The following PTPRT variants were observed in gnomAD, a reference collection of about 807,000 sequenced individuals.
PTPRT encodes receptor-type tyrosine-protein phosphatase T.
Under a neutral mutation model 176.8 loss-of-function variants are expected in PTPRT, and 56 were observed. The ratio of observed to expected loss-of-function variants is 0.32; its 90% CI spans 0.26 to 0.40. The LOEUF is 0.40. PTPRT is among the 10% of genes least tolerant of loss of function. The pLI, the probability that PTPRT is intolerant of heterozygous loss-of-function variation, is 1.00. For missense variants in PTPRT, 1,540 were observed against 1,908.2 expected (o/e 0.81, Z 3.60); for synonymous variants, 783 against 739.0 (o/e 1.06, Z -0.96).
intron 9 of PTPRT, among the ~76,000 whole-genome samples, chr20:42,423,178 T>TA (rs34775268): frequency 0.03 from 2,656 of 88,100 alleles, 101 homozygotes; most frequent in African/African-American, 0.083. Flanking sequence ...ACCTTAAAAG[T>TA]AAAAAAAAAA....
At position 42,201,950 on chromosome 20, in the gene PTPRT, C is replaced by CGTGTGTGTGTGTGTGTGTGTGTGTGT. The variant is rs11468258; in HGVS notation, c.2343-2588_2343-2563dup. 1.4e-3 allele frequency among the ~76,000 whole-genome samples: 199 copies of CGTGTGTGTGTGTGTGTGTGTGTGTGT among 143,202 alleles called. 1 individual carries two copies. Among genetic ancestry groups the CGTGTGTGTGTGTGTGTGTGTGTGTGT allele is most frequent in the Middle Eastern group, 3.6e-3 (1 of 280 alleles). The allele number at this position is 143,202 out of a possible 152,430, so 93.9% of individuals were successfully genotyped here. ...ATCCCAACCAAGAAGAGAAAAGTTGCGTGTGTGTGTGTGTGTGTGTGTGTG... is the reference window on the plus strand; with the variant it reads ...ATCCCAACCAAGAAGAGAAAAGTTGCGTGTGTGTGTGTGTGTGTGTGTGTGTGTGTGTGTGTGTGTGTGTGTGTGTG... On this transcript the variant is annotated intron_variant, in intron 15 of 30. Coordinates refer to ENST00000373187, the MANE Select transcript of PTPRT (RefSeq NM_007050.6).
the PTPRT span, among the ~76,000 whole-genome samples, chr20:42,049,634 C>T: frequency 6.6e-6 from 1 of 152,200 alleles, no homozygotes; most frequent in Non-Finnish European, 1.5e-5. Context: ...CTCTGAATCT[C>T]TTGGGGAGCT....
At chr20:42,120,380 G>A (rs1371683156) in intron 19 of PTPRT, among the ~76,000 whole-genome samples, 2 of 152,168 alleles carry the variant, frequency 1.3e-5, no homozygotes, top group African/African-American at 4.8e-5. Context: ...GGGACACCCA[G>A]AGAAGAAAAA....
intron 2 of PTPRT, among the ~76,000 whole-genome samples, chr20:42,816,202 G>T (rs917736929): frequency 6.6e-6 from 1 of 152,178 alleles, no homozygotes; most frequent in Non-Finnish European, 1.5e-5. Flanking sequence ...TGAAATAAGA[G>T]AAGTTGATAG....
intron 1 of PTPRT, among the ~76,000 whole-genome samples, chr20:43,106,613 C>T (rs1415303922): frequency 1.4e-5 from 2 of 144,104 alleles, no homozygotes; most frequent in African/African-American, 5.2e-5. Context: ...GCCGGGATCG[C>T]GCCATTGCAC....
At chr20:42,574,423 T>C (rs2073220524) in intron 7 of PTPRT, among the ~76,000 whole-genome samples, 1 of 152,162 alleles carries the variant, frequency 6.6e-6, no homozygotes, top group Admixed American at 6.5e-5. Flanking sequence ...CATGAAAATG[T>C]CACTTTGGCA....
chr20:43,079,619 G>A (rs1169210813), intron 1 of PTPRT, among the ~76,000 whole-genome samples: 1 of 152,084 alleles, frequency 6.6e-6, no homozygotes, highest in Non-Finnish European at 1.5e-5. Context: ...AATCCTAGAT[G>A]TATTACAGTG....
chr20:42,795,467 C>T (rs949347947), intron 2 of PTPRT, among the ~76,000 whole-genome samples: 3 of 152,210 alleles, frequency 2.0e-5, no homozygotes, highest in East Asian at 1.9e-4. Context: ...CATTTCCTCA[C>T]GTCGGCAGTA....
At chr20:42,301,041 AT>A (rs928695097) in intron 12 of PTPRT, among the ~76,000 whole-genome samples, 8 of 152,302 alleles carry the variant, frequency 5.3e-5, no homozygotes, top group Non-Finnish European at 5.9e-5. Context: ...TCAACAAAAA[AT>A]ATCAGCAAAT....
intron 1 of PTPRT, among the ~76,000 whole-genome samples, chr20:43,139,604 G>T (rs1309701533): frequency 6.6e-6 from 1 of 152,236 alleles, no homozygotes; most frequent in Non-Finnish European, 1.5e-5. Context: ...ACAGAAGGCA[G>T]TGTCCGAGGG....
At chr20:42,453,731 C>A (rs1287847326) in intron 8 of PTPRT, among the ~76,000 whole-genome samples, 1 of 149,116 alleles carries the variant, frequency 6.7e-6, no homozygotes, top group African/African-American at 2.5e-5. Context: ...AGGGCAACAG[C>A]GTGATCTTGG....
intron 1 of PTPRT, among the ~76,000 whole-genome samples, chr20:43,091,175 G>C (rs2011832642): frequency 6.6e-6 from 1 of 152,098 alleles, no homozygotes; most frequent in Non-Finnish European, 1.5e-5. Context: ...GGAGGTTGCA[G>C]TGAGCCAAGA....
intron 2 of PTPRT, among the ~76,000 whole-genome samples, chr20:42,865,437 C>T (rs931163833): frequency 6.6e-6 from 1 of 152,202 alleles, no homozygotes; most frequent in African/African-American, 2.4e-5. Context: ...CCCTAACTCA[C>T]TTATTCAATA....
intron 1 of PTPRT, among the ~76,000 whole-genome samples, chr20:43,116,945 T>C (rs2013083385): frequency 6.6e-6 from 1 of 152,152 alleles, no homozygotes; most frequent in African/African-American, 2.4e-5. Context: ...CAGATGTCTG[T>C]ATGTTGTCTG....
intron 1 of PTPRT, among the ~76,000 whole-genome samples, chr20:42,960,774 T>C (rs1406833938): frequency 6.6e-6 from 1 of 152,068 alleles, no homozygotes; most frequent in Non-Finnish European, 1.5e-5. Flanking sequence ...GATACAACGA[T>C]GTCATAAACA....
chr20:42,976,709 TTTA>T (rs1421414548), intron 1 of PTPRT, among the ~76,000 whole-genome samples: 6 of 152,202 alleles, frequency 3.9e-5, no homozygotes, highest in Non-Finnish European at 8.8e-5. Flanking sequence ...ACTCAGGCTG[TTTA>T]TTATTATGGA....
At chr20:42,210,374 G>A (rs1198474197) in intron 15 of PTPRT, among the ~76,000 whole-genome samples, 4 of 151,762 alleles carry the variant, frequency 2.6e-5, no homozygotes, top group Non-Finnish European at 5.9e-5. Flanking sequence ...GTTTGCAGAT[G>A]ACATGATTGT....
intron 1 of PTPRT, among the ~76,000 whole-genome samples, chr20:43,061,011 G>T (rs755328899): frequency 6.6e-6 from 1 of 152,090 alleles, no homozygotes; most frequent in Non-Finnish European, 1.5e-5. Flanking sequence ...AAAATAGATA[G>T]CTAGATATCT....
intron 1 of PTPRT, among the ~76,000 whole-genome samples, chr20:43,074,291 T>G (rs540015665): frequency 6.6e-6 from 1 of 152,288 alleles, no homozygotes; most frequent in South Asian, 2.1e-4. Flanking sequence ...AAAAACAAAA[T>G]TTTATAACGT....
Sources: allele counts gnomAD v4.1 joint callset (sites outside exome capture counted in the v4.1 genomes callset), GRCh38; gene constraint gnomAD v4.1.1; transcripts MANE v1.5; gene names NCBI Gene and HGNC (gene_info 2026-07-23, HGNC 2026-07-21).